LUZP2: variants seen among roughly 807,000 people sequenced by gnomAD.
The protein encoded by LUZP2 is leucine zipper protein 2.
In LUZP2, 52 loss-of-function variants were observed where a neutral mutation model predicts 51.6. That is an observed-to-expected ratio of 1.01 (90% confidence interval 0.81 to 1.27). The LOEUF is 1.27. Among genes scored for constraint, LUZP2 ranks in the 50% most tolerant of loss-of-function variants. The pLI is 0.00. For missense variants in LUZP2, 436 were observed against 395.4 expected (o/e 1.10, Z -0.87); for synonymous variants, 154 against 137.3 (o/e 1.12, Z -0.85).
chr11:24,745,602 T>G (rs1006626186), intron 4 of LUZP2, among the ~76,000 whole-genome samples: 1 of 152,146 alleles, frequency 6.6e-6, no homozygotes, highest in African/African-American at 2.4e-5. Context: ...TGAGTTCTTA[T>G]GTTTTGGGTG....
intron 7 of LUZP2, among the ~76,000 whole-genome samples, chr11:24,976,184 T>G (rs1855876379): frequency 6.6e-6 from 1 of 151,978 alleles, no homozygotes; most frequent in Admixed American, 6.6e-5. Flanking sequence ...ACCCCCAAAG[T>G]GCTCTGTCTC....
chr11:24,543,912 A>C (rs1851459099), intron 1 of LUZP2, among the ~76,000 whole-genome samples: 1 of 151,722 alleles, frequency 6.6e-6, no homozygotes, highest in Non-Finnish European at 1.5e-5. Context: ...GTTTCACATA[A>C]AGATGAAGAT....
chr11:25,069,376 A>G (rs1859088519), intron 10 of LUZP2, among the ~76,000 whole-genome samples: 1 of 151,942 alleles, frequency 6.6e-6, no homozygotes, highest in African/African-American at 2.4e-5. Flanking sequence ...ATGAGAATTA[A>G]ATCACATGAA....
chr11:24,877,938 C>T (rs1852325719), intron 5 of LUZP2, among the ~76,000 whole-genome samples: 1 of 152,030 alleles, frequency 6.6e-6, no homozygotes, highest in South Asian at 2.1e-4. Context: ...ATAACAGGAT[C>T]TCATATTTTT....
intron 1 of LUZP2, among the ~76,000 whole-genome samples, chr11:24,715,297 G>GTGTGTT (rs766375886): frequency 7.3e-6 from 1 of 136,546 alleles, no homozygotes. Flanking sequence ...GTGTGTGTGT[G>GTGTGTT]TGTGTGTGTG....
chr11:25,007,605 GAAAACAAAACAAAAC>G (rs72370066), intron 9 of LUZP2, among the ~76,000 whole-genome samples: 16 of 150,882 alleles, frequency 1.1e-4, no homozygotes, highest in Admixed American at 2.7e-4. Context: ...TCCATCTCAA[GAAAACAAAACAAAAC>G]AAAACAAAAC....
chr11:24,657,991 C>T (rs534875263), intron 1 of LUZP2, among the ~76,000 whole-genome samples: 5 of 152,206 alleles, frequency 3.3e-5, no homozygotes, highest in South Asian at 2.1e-4. Context: ...TGAAAATGGC[C>T]GTACTGCCCA....
At chr11:25,040,342 G>GTTTTTTTT (rs1491549909) in intron 9 of LUZP2, among the ~76,000 whole-genome samples, 3 of 34,024 alleles carry the variant, frequency 8.8e-5, no homozygotes, top group Admixed American at 3.9e-4. Flanking sequence ...CTTTCTTTCC[G>GTTTTTTTT]ATTTTTTTTT....
chr11:24,998,114 G>T (rs1425481316), intron 9 of LUZP2, among the ~76,000 whole-genome samples: 2 of 152,042 alleles, frequency 1.3e-5, no homozygotes, highest in African/African-American at 4.8e-5. Flanking sequence ...CTCTGTTTCG[G>T]TTCCATATGA....
intron 9 of LUZP2, among the ~76,000 whole-genome samples, chr11:25,012,250 T>C (rs1857006889): frequency 6.6e-6 from 1 of 152,142 alleles, no homozygotes; most frequent in Non-Finnish European, 1.5e-5. Flanking sequence ...GTCTCTGACG[T>C]GAATAACCAG....
At chr11:24,513,671 G>A (rs1564962135) in intron 1 of LUZP2, among the ~76,000 whole-genome samples, 1 of 152,124 alleles carries the variant, frequency 6.6e-6, no homozygotes, top group South Asian at 2.1e-4. Context: ...GCAGGGCCAT[G>A]CTTTGGGCAC....
At chr11:24,708,736 AATG>A (rs1224822185) in intron 1 of LUZP2, among the ~76,000 whole-genome samples, 4 of 152,216 alleles carry the variant, frequency 2.6e-5, no homozygotes, top group African/African-American at 9.6e-5. Context: ...GTTGCCAGAC[AATG>A]ATGATACTGC....
chr11:24,983,276 G>A lies in LUZP2; in HGVS notation c.748G>A (p.Ala250Thr). ...GAATATTGCCTCTAAGCTTCCAGAT[G>A]CAGCGGCCAAAAGCAAGGTACCTAC... ...PRNIASKLPD[A>T]AAKSKPQQSA... Residue 250 changes from alanine (A) to threonine (T), a missense_variant, in exon 9 of 12, where the codon GCA becomes ACA. By Grantham distance (58) the Ala-to-Thr change is moderately conservative (BLOSUM62 0). Transcript: ENST00000336930. The A allele has an allele frequency of 6.2e-7, 1 of 1,611,642 alleles. No homozygotes were observed.
At chr11:24,520,607 A>G (rs883002) in intron 1 of LUZP2, among the ~76,000 whole-genome samples, 7,847 of 152,304 alleles carry the variant, frequency 0.052, 512 homozygotes, top group African/African-American at 0.15. Flanking sequence ...TGTTTGTGTT[A>G]GTATGTTAAT....
rs548016887 is a variant in LUZP2, at chr11:24,648,807, T to G, written c.63-80362T>G. 3.3e-5 allele frequency among the ~76,000 whole-genome samples: 5 copies of G among 152,102 alleles called. No individual in the cohort carries two copies. The South Asian group carries it at 1.0e-3, about 31-fold the overall frequency. On this transcript the variant is annotated intron_variant, in intron 1 of 11. Coordinates refer to ENST00000336930, the MANE Select transcript of LUZP2 (RefSeq NM_001009909.4). ...TACAAACTCAGATGAGCAGGAAATA[T>G]TCCACAATTTATTAGATTGGTGCAA...
At chr11:24,871,564 T>G (rs936548979) in intron 5 of LUZP2, among the ~76,000 whole-genome samples, 6 of 152,078 alleles carry the variant, frequency 3.9e-5, no homozygotes, top group Non-Finnish European at 5.9e-5. Context: ...GTATAAGTTA[T>G]GCAACTTCTG....
At chr11:24,839,948 C>T (rs1168069697) in intron 5 of LUZP2, among the ~76,000 whole-genome samples, 1 of 151,670 alleles carries the variant, frequency 6.6e-6, no homozygotes, top group Non-Finnish European at 1.5e-5. Context: ...ATTGATTATT[C>T]TCTCAAATAT....
At chr11:24,954,669 C>A (rs1417908047) in intron 7 of LUZP2, among the ~76,000 whole-genome samples, 1 of 152,048 alleles carries the variant, frequency 6.6e-6, no homozygotes, top group Non-Finnish European at 1.5e-5. Context: ...CTGCTTGAAA[C>A]CTGCCAATAC....
At chr11:24,618,999 C>T (rs1476717324) in intron 1 of LUZP2, among the ~76,000 whole-genome samples, 2 of 144,160 alleles carry the variant, frequency 1.4e-5, no homozygotes, top group Admixed American at 7.1e-5. Context: ...ATTCTAACCA[C>T]TTAGCATTAT....
Sources: gnomAD v4.1 joint callset for allele counts (sites outside exome capture counted in the v4.1 genomes callset) on GRCh38, gnomAD v4.1.1 for gene constraint, MANE v1.5 for transcripts, NCBI Gene and HGNC (gene_info 2026-07-23, HGNC 2026-07-21) for gene names.